KIFC3: variants seen among roughly 807,000 people sequenced by gnomAD.
KIFC3 encodes kinesin-like protein KIFC3.
In KIFC3, 60 loss-of-function variants were observed where a neutral mutation model predicts 101.8. The ratio of observed to expected loss-of-function variants is 0.59; its 90% confidence interval spans 0.48 to 0.73. KIFC3 has a LOEUF of 0.73. Among genes scored for constraint, KIFC3 ranks in the 30% least tolerant of loss-of-function variants. The pLI is 0.00. For missense variants in KIFC3, 966 were observed against 1,137.1 expected (o/e 0.85, Z 2.16); for synonymous variants, 476 against 482.7 (o/e 0.99, Z 0.18).
At chr16:57,861,596 C>T (rs183799767) in intron 1 of KIFC3, among the ~76,000 whole-genome samples, 149 of 152,194 alleles carry the variant, frequency 9.8e-4, no homozygotes, top group Non-Finnish European at 1.6e-3. Context: ...TCCCAGGGGT[C>T]GATCATAAAA....
intron 3 of KIFC3, among the ~76,000 whole-genome samples, chr16:57,784,258 G>A (rs1180163695): frequency 6.6e-6 from 1 of 152,212 alleles, no homozygotes; most frequent in Non-Finnish European, 1.5e-5. Context: ...AGAGGATACA[G>A]GGCTAGCCTA....
At chr16:57,792,428 T>C (rs1379271883) in intron 3 of KIFC3, among the ~76,000 whole-genome samples, 1 of 152,186 alleles carries the variant, frequency 6.6e-6, no homozygotes, top group Non-Finnish European at 1.5e-5. Flanking sequence ...ACAAATGCAT[T>C]AATTAAAAAT....
chr16:57,792,218 G>T (rs1020447118), intron 3 of KIFC3, among the ~76,000 whole-genome samples: 1 of 152,150 alleles, frequency 6.6e-6, no homozygotes, highest in African/African-American at 2.4e-5. Flanking sequence ...CGGCTTTCTT[G>T]GGGGGTGGGC....
At chr16:57,839,204 A>G (rs1309659576) in intron 1 of KIFC3, among the ~76,000 whole-genome samples, 1 of 151,496 alleles carries the variant, frequency 6.6e-6, no homozygotes, top group Non-Finnish European at 1.5e-5. Context: ...AAAAAAATTA[A>G]AAAGAAACCA....
In KIFC3 at chr16:57,771,450, G is replaced by A. The variant is rs782521574; in HGVS notation, c.526-13C>T. ...GCTGGGCGCTCTCCTGCAGCCATTG[G>A]GAGGCACTGGATGAGTGCAAGGGAC... On this transcript the variant is annotated splice_polypyrimidine_tract_variant and intron_variant, in intron 5 of 19. Transcript: ENST00000445690. 1.2e-6 allele frequency: 2 copies of A among 1,613,496 alleles called. No homozygotes were observed. The highest frequency in any genetic ancestry group is 1.7e-6 in the Non-Finnish European group (2 of 1,179,976).
At chr16:57,812,574 G>A (rs78381060) in intron 1 of KIFC3, among the ~76,000 whole-genome samples, 2,573 of 152,226 alleles carry the variant, frequency 0.017, 82 homozygotes, top group African/African-American at 0.059. Context: ...TCCTCAGAGC[G>A]GAAAGAGCCA....
At chr16:57,790,647 G>T (rs1222201402) in intron 3 of KIFC3, among the ~76,000 whole-genome samples, 1 of 152,104 alleles carries the variant, frequency 6.6e-6, no homozygotes, top group Non-Finnish European at 1.5e-5. Flanking sequence ...AATAAAAATG[G>T]TAATAACAGG....
chr16:57,827,972 G>A (rs181189982), intron 1 of KIFC3, among the ~76,000 whole-genome samples: 3 of 152,336 alleles, frequency 2.0e-5, no homozygotes, highest in Admixed American at 1.3e-4. Flanking sequence ...AAGTTCTATT[G>A]TTGTACCCTC....
At chr16:57,854,805 A>G (rs1215892655) in intron 1 of KIFC3, among the ~76,000 whole-genome samples, 1 of 152,232 alleles carries the variant, frequency 6.6e-6, no homozygotes, top group Non-Finnish European at 1.5e-5. Context: ...AAGAAATTAA[A>G]TCATATAAAG....
chr16:57,768,090 C>T (rs1263544719), intron 9 of KIFC3, among the ~76,000 whole-genome samples: 2 of 152,116 alleles, frequency 1.3e-5, no homozygotes, highest in Admixed American at 6.5e-5. Context: ...CTTTGGGAGG[C>T]GGAGGTGGGC....
At chr16:57,802,648 GCACTCC>G (rs1334596039), upstream of KIFC3, 45 of 1,020,320 alleles carry the variant, frequency 4.4e-5, no homozygotes, top group South Asian at 5.8e-5. The surrounding 1 kb of genome is among the most constrained non-coding windows in gnomAD (Gnocchi z 5.0). Flanking sequence ...TCTCCCGCCG[GCACTCC>G]CACTCCCACT....
chr16:57,842,498 TCCA>T (rs1372577163), intron 1 of KIFC3, among the ~76,000 whole-genome samples: 1 of 152,162 alleles, frequency 6.6e-6, no homozygotes, highest in Non-Finnish European at 1.5e-5. Flanking sequence ...AGCCTCAGGC[TCCA>T]CCATTTTATC....
chr16:57,861,600 C>A (rs1271359797), intron 1 of KIFC3, among the ~76,000 whole-genome samples: 4 of 152,110 alleles, frequency 2.6e-5, no homozygotes, highest in African/African-American at 9.7e-5. Context: ...AGGGGTCGAT[C>A]ATAAAACAAT....
chr16:57,830,601 G>A (rs1319257395), intron 1 of KIFC3: 4 of 152,106 alleles, frequency 2.6e-5, no homozygotes, highest in African/African-American at 4.8e-5. Flanking sequence ...AATCTTCTCT[G>A]TATCGTTCCA....
chr16:57,833,140 A>T (rs1029232459), intron 1 of KIFC3, among the ~76,000 whole-genome samples: 1 of 151,814 alleles, frequency 6.6e-6, no homozygotes, highest in African/African-American at 2.4e-5. Context: ...TGGGAGGTAG[A>T]GGTTGCAGTG....
chr16:57,768,541 A>AC (rs375454621), intron 9 of KIFC3, among the ~76,000 whole-genome samples: 4 of 152,120 alleles, frequency 2.6e-5, no homozygotes, highest in Non-Finnish European at 5.9e-5. Context: ...ACACACGCAC[A>AC]ATTGGCTTAA....
intron 1 of KIFC3, among the ~76,000 whole-genome samples, chr16:57,842,908 G>A (rs1323152258): frequency 6.6e-6 from 1 of 152,188 alleles, no homozygotes; most frequent in Non-Finnish European, 1.5e-5. Flanking sequence ...AGGGCAGGAA[G>A]ATCGCCTGAG....
Position 57,771,599 on chromosome 16 carries a change from G to C in KIFC3, c.469C>G (p.Leu157Val), listed in dbSNP as rs1334708365. The change falls in exon 5 of 20, where the codon CTG becomes GTG. Residue 157 changes from leucine to valine, a missense_variant. Around this residue, in one of 2 missense-constraint regions of KIFC3, gnomAD observed 277 missense variants for 252.5 expected, o/e 1.10. Transcript: ENST00000445690. The part of the protein sequence containing the change: ...RQEMRRCEAE[L>V]QELRTKPAGP... ...GCTGGCTTTGTGCGCAGCTCTTGCA[G>C]CTCGGCCTCACAGCGCCGCATCTCC... The C allele has an allele frequency of 6.2e-7, 1 of 1,613,318 alleles. No homozygotes were observed. The highest frequency in any genetic ancestry group is 1.3e-5 in the African/African-American group (1 of 74,946).
At position 57,760,487 on chromosome 16, in the gene KIFC3, A is replaced by C. The variant is rs571538301; in HGVS notation, c.2233-71T>G. ...GCAACAGGGTCACGAGAGGGAGCTC[A>C]CAGCTGGGGCCGTCAGAAGGCTTCC... On this transcript the variant is annotated intron_variant, in intron 16 of 19. Transcript: ENST00000445690. 7.7e-6 allele frequency: 12 copies of C among 1,558,486 alleles called. No homozygotes were observed. The Admixed American group carries it at 1.9e-4, about 25-fold the overall frequency.
Sources: gnomAD v4.1 joint callset for allele counts (sites outside exome capture counted in the v4.1 genomes callset) on GRCh38, gnomAD v4.1.1 for gene constraint, gnomAD v4.1.1 regional missense constraint, Gnocchi (gnomAD v3.1) non-coding constraint, MANE v1.5 for transcripts, NCBI Gene and HGNC (gene_info 2026-07-23, HGNC 2026-07-21) for gene names.